Variants in TENM2 observed in about 807,000 individuals in gnomAD.
TENM2 encodes the protein teneurin transmembrane protein 2.
TENM2 carries 52 observed loss-of-function variants against 245.2 expected under a neutral mutation model. The observed-to-expected ratio is 0.21, with a 90% CI of 0.17 to 0.27. The LOEUF (loss-of-function observed/expected upper bound fraction) is 0.27, where lower values mean the gene tolerates loss of function less well. TENM2 is among the 10% of genes least tolerant of loss of function. The pLI is 1.00. For synonymous variants in TENM2, 1,363 were observed against 1,438.9 expected, an observed-to-expected ratio of 0.95 and a Z score of 1.19; for missense variants, 3,046 against 3,666.8, an observed-to-expected ratio of 0.83 and a Z score of 4.37.
intron 2 of TENM2, among the ~76,000 whole-genome samples, chr5:167,383,668 A>C (rs1761233936): frequency 6.6e-6 from 1 of 150,896 alleles, no homozygotes; most frequent in Admixed American, 6.6e-5. Flanking sequence ...CCTCTCGTTA[A>C]AACTAGTGAG....
At chr5:167,609,087 T>C (rs1777262176) in intron 2 of TENM2, among the ~76,000 whole-genome samples, 1 of 152,160 alleles carries the variant, frequency 6.6e-6, no homozygotes, top group Non-Finnish European at 1.5e-5. Context: ...AGGTAAAGAA[T>C]AGGTTTTTTT....
chr5:167,646,187 TA>T (rs1779935107), intron 2 of TENM2, among the ~76,000 whole-genome samples: 1 of 113,770 alleles, frequency 8.8e-6, no homozygotes, highest in Non-Finnish European at 1.7e-5. Context: ...CATATATATA[TA>T]TATGTTGTTT....
At chr5:167,204,387 A>G in the TENM2 span, among the ~76,000 whole-genome samples, 1 of 152,224 alleles carries the variant, frequency 6.6e-6, no homozygotes, top group Non-Finnish European at 1.5e-5. Flanking sequence ...AATGTGGACA[A>G]ACCACAGTGG....
the TENM2 span, among the ~76,000 whole-genome samples, chr5:167,081,953 A>G: frequency 1.3e-5 from 2 of 152,182 alleles, no homozygotes; most frequent in African/African-American, 4.8e-5. Flanking sequence ...GGGTTGCAAA[A>G]TAAACGGTCA....
At chr5:166,983,619 G>A in the TENM2 span, among the ~76,000 whole-genome samples, 1 of 152,092 alleles carries the variant, frequency 6.6e-6, no homozygotes, top group Non-Finnish European at 1.5e-5. Flanking sequence ...AATAGGAATT[G>A]ATCTTTGATG....
At chr5:167,271,987 G>T in the TENM2 span, among the ~76,000 whole-genome samples, 4 of 152,120 alleles carry the variant, frequency 2.6e-5, no homozygotes, top group Non-Finnish European at 4.4e-5. Flanking sequence ...AGCGGTCACA[G>T]GAATATTCTC....
At chr5:168,070,426 T>C (rs1790886712) in intron 7 of TENM2, among the ~76,000 whole-genome samples, 1 of 152,114 alleles carries the variant, frequency 6.6e-6, no homozygotes, top group African/African-American at 2.4e-5. Context: ...GATCCTACCA[T>C]ATAAATCAAG....
intron 5 of TENM2, among the ~76,000 whole-genome samples, chr5:168,026,751 A>G (rs941948839): frequency 4.6e-5 from 7 of 152,162 alleles, no homozygotes; most frequent in African/African-American, 1.7e-4. Context: ...ACTAAACAAG[A>G]TAATTCTTGA....
intron 2 of TENM2, among the ~76,000 whole-genome samples, chr5:167,708,662 C>A (rs1430127461): frequency 1.3e-5 from 2 of 152,140 alleles, no homozygotes; most frequent in Non-Finnish European, 2.9e-5. Flanking sequence ...GCCTGAGTCC[C>A]TGAATGACTG....
chr5:167,682,631 A>G (rs1756808401), intron 2 of TENM2, among the ~76,000 whole-genome samples: 1 of 152,054 alleles, frequency 6.6e-6, no homozygotes, highest in Non-Finnish European at 1.5e-5. Context: ...TTCCTTTTAT[A>G]TGGAGATTCT....
rs577665147 is a variant in TENM2, at chr5:167,650,047, G to A, written c.503-225939G>A. Among the ~76,000 whole-genome samples, 151 of 152,300 alleles carry A rather than the reference G, an allele frequency of 9.9e-4. 1 individual carries two copies. The highest frequency in any genetic ancestry group is 2.4e-3 in the African/African-American group (98 of 41,572). ...CTCCACTTTGGAAGATAGACAGCCT[G>A]TACCTCAAAGAGTTTTAGAACTTCC... On this transcript the variant is annotated intron_variant, in intron 2 of 28. Coordinates refer to ENST00000518659, the Ensembl canonical transcript of TENM2.
intron 1 of TENM2, among the ~76,000 whole-genome samples, chr5:167,346,639 T>G (rs879514563): frequency 6.6e-6 from 1 of 152,204 alleles, no homozygotes; most frequent in Non-Finnish European, 1.5e-5. Flanking sequence ...ACTTGTAAGC[T>G]AACAAGTCTG....
chr5:167,244,732 T>C, the TENM2 span, among the ~76,000 whole-genome samples: 1 of 152,118 alleles, frequency 6.6e-6, no homozygotes, highest in African/African-American at 2.4e-5. Flanking sequence ...TTAGTGAGGC[T>C]GTGAGTGGTG....
intron 25 of TENM2, among the ~76,000 whole-genome samples, chr5:168,236,939 C>CATATATATAT (rs1269930483): frequency 1.2e-4 from 4 of 33,654 alleles, no homozygotes; most frequent in East Asian, 1.6e-3. Flanking sequence ...ATGTCCTAAT[C>CATATATATAT]ATATATATAT....
At position 168,022,041 on chromosome 5, in the gene TENM2, C is replaced by A. The variant is rs551012679; in HGVS notation, c.1187-25386C>A. Among the ~76,000 whole-genome samples, 7 of 152,320 alleles carry A rather than the reference C, an allele frequency of 4.6e-5. No individual in the cohort carries two copies. In the South Asian group the frequency reaches 1.2e-3, roughly 27 times the overall value. ...CTAGAGATTGTCTAGTGTGATATAA[C>A]AATTAAGTGATCATTTTAGGAATCT... On this transcript the variant is annotated intron_variant, in intron 5 of 28. Coordinates refer to ENST00000518659, the Ensembl canonical transcript of TENM2.
chr5:167,257,657 C>A, the TENM2 span, among the ~76,000 whole-genome samples: 1 of 151,324 alleles, frequency 6.6e-6, no homozygotes, highest in Non-Finnish European at 1.5e-5. Flanking sequence ...CAAAGAAAAC[C>A]CCCAAAAGCT....
intron 3 of TENM2, among the ~76,000 whole-genome samples, chr5:167,915,398 G>A (rs914409886): frequency 1.3e-5 from 2 of 152,084 alleles, no homozygotes; most frequent in Non-Finnish European, 1.5e-5. Context: ...TTCATGTAAG[G>A]TGTCTGAATC....
chr5:168,254,504 G>A (rs1487993641), intron 27 of TENM2, among the ~76,000 whole-genome samples: 2 of 140,436 alleles, frequency 1.4e-5, no homozygotes, highest in South Asian at 2.2e-4. Context: ...GAGGAAGAAG[G>A]GGAGGAAGAG....
At chr5:168,239,357 T>C (rs1299050947) in intron 25 of TENM2, among the ~76,000 whole-genome samples, 6 of 152,146 alleles carry the variant, frequency 3.9e-5, no homozygotes, top group Admixed American at 3.3e-4. Flanking sequence ...ACCTGTGCTA[T>C]CAAAAAATCC....
Sources: allele counts gnomAD v4.1 joint callset (sites outside exome capture counted in the v4.1 genomes callset), GRCh38; gene constraint gnomAD v4.1.1; transcripts MANE v1.5; gene names NCBI Gene and HGNC (gene_info 2026-07-23, HGNC 2026-07-21).